The following DOCK1 variants were observed in gnomAD, a reference collection of about 807,000 sequenced individuals.
DOCK1 encodes dedicator of cytokinesis 1.
DOCK1 carries 138 observed loss-of-function variants against 262.7 expected under a neutral mutation model. The ratio of observed to expected loss-of-function variants is 0.53; its 90% CI spans 0.46 to 0.61. The LOEUF (loss-of-function observed/expected upper bound fraction) is 0.61, where lower values mean the gene tolerates loss of function less well. Among genes scored for constraint, DOCK1 ranks in the 20% least tolerant of loss-of-function variants. The probability of loss-of-function intolerance (pLI) is 0.00; values close to 1 mark genes in which losing one functional copy is unlikely to be tolerated. For missense variants in DOCK1, 1,908 were observed against 2,370.7 expected, an observed-to-expected ratio of 0.80 and a Z score of 4.05; for synonymous variants, 866 against 867.4, an observed-to-expected ratio of 1.00 and a Z score of 0.03.
chr10:127,035,066 G>C (rs2135557227), intron 18 of DOCK1, among the ~76,000 whole-genome samples: 1 of 152,338 alleles, frequency 6.6e-6, no homozygotes, highest in South Asian at 2.1e-4. Flanking sequence ...GGACTGATGG[G>C]AAGTCTGCCT....
chr10:127,425,746 T>C, intron 46 of DOCK1, 128 bp from the exon 47 acceptor site: 1 of 1,387,254 alleles, frequency 7.2e-7, no homozygotes, highest in East Asian at 2.3e-5. Context: ...TGCTGGTAAA[T>C]TGAATCAGCT....
chr10:127,400,364 A>G (rs2067148961), intron 38 of DOCK1, among the ~76,000 whole-genome samples: 1 of 152,188 alleles, frequency 6.6e-6, no homozygotes, highest in African/African-American at 2.4e-5. Context: ...GCTCAGTGCC[A>G]TGGGTGACCC....
intron 24 of DOCK1, among the ~76,000 whole-genome samples, chr10:127,108,349 A>C (rs185026448): frequency 6.6e-6 from 1 of 152,190 alleles, no homozygotes; most frequent in East Asian, 1.9e-4. Context: ...GCACTTTGGG[A>C]GGCCGAGGGG....
At chr10:126,952,271 A>G (rs903548590) in intron 1 of DOCK1, among the ~76,000 whole-genome samples, 1 of 151,720 alleles carries the variant, frequency 6.6e-6, no homozygotes, top group Non-Finnish European at 1.5e-5. Flanking sequence ...TAGCATTGTT[A>G]TTGTTCATAG....
intron 1 of DOCK1, among the ~76,000 whole-genome samples, chr10:126,927,753 C>T (rs1199702263): frequency 6.6e-6 from 1 of 152,158 alleles, no homozygotes; most frequent in African/African-American, 2.4e-5. Context: ...CATTCTTTCA[C>T]GTGTTCATTC....
chr10:127,197,636 G>A (rs1452763834), intron 27 of DOCK1, among the ~76,000 whole-genome samples: 1 of 152,124 alleles, frequency 6.6e-6, no homozygotes, highest in Non-Finnish European at 1.5e-5. Context: ...AAATTGGGAG[G>A]ACAAATGGAA....
intron 27 of DOCK1, among the ~76,000 whole-genome samples, chr10:127,236,021 T>A (rs1374363110): frequency 1.3e-5 from 2 of 152,146 alleles, no homozygotes; most frequent in East Asian, 3.9e-4. Flanking sequence ...GGAAACCCTT[T>A]GTCAGATAGG....
intron 27 of DOCK1, among the ~76,000 whole-genome samples, chr10:127,237,458 A>C (rs1280973202): frequency 6.6e-6 from 1 of 151,862 alleles, no homozygotes; most frequent in Non-Finnish European, 1.5e-5. Flanking sequence ...AGATATTTGT[A>C]CTCTTTCTTA....
intron 23 of DOCK1, among the ~76,000 whole-genome samples, chr10:127,095,935 A>G (rs548555895): frequency 1.8e-4 from 27 of 152,332 alleles, no homozygotes; most frequent in African/African-American, 6.5e-4. Context: ...TGTGGGAACA[A>G]CGTCCCTCAG....
At chr10:127,284,383 C>A (rs994197717) in intron 29 of DOCK1, among the ~76,000 whole-genome samples, 2 of 151,906 alleles carry the variant, frequency 1.3e-5, no homozygotes, top group Non-Finnish European at 2.9e-5. Context: ...ATTTGATAGA[C>A]CATTTTAGGT....
At chr10:126,942,612 A>G (rs2035103667) in intron 1 of DOCK1, among the ~76,000 whole-genome samples, 1 of 152,104 alleles carries the variant, frequency 6.6e-6, no homozygotes, top group Non-Finnish European at 1.5e-5. Context: ...GAGGGAGCCG[A>G]GCCAGCCCCG....
intron 29 of DOCK1, among the ~76,000 whole-genome samples, chr10:127,299,983 A>T (rs914977819): frequency 1.3e-5 from 2 of 152,198 alleles, no homozygotes; most frequent in African/African-American, 4.8e-5. Flanking sequence ...GCATCCGGCC[A>T]TTGAGAACTG....
intron 28 of DOCK1, among the ~76,000 whole-genome samples, chr10:127,250,964 C>A (rs2059615267): frequency 6.6e-6 from 1 of 151,798 alleles, no homozygotes; most frequent in Admixed American, 6.6e-5. Context: ...TCAACTCTGA[C>A]AACGATTTTT....
chr10:126,963,601 TTC>T (rs2037401881), intron 1 of DOCK1, among the ~76,000 whole-genome samples: 21 of 51,136 alleles, frequency 4.1e-4, no homozygotes, highest in African/African-American at 1.7e-3. Flanking sequence ...TTCCCTTCCC[TTC>T]CCTTCCCTTC....
At chr10:127,113,349 C>T (rs1431109475) in intron 25 of DOCK1, among the ~76,000 whole-genome samples, 1 of 152,150 alleles carries the variant, frequency 6.6e-6, no homozygotes, top group Admixed American at 6.5e-5. Flanking sequence ...CAGGCTCCTT[C>T]GTGGGGGCTC....
chr10:127,012,895 C>T lies in DOCK1; in HGVS notation c.1201+521C>T, dbSNP rs911009651. Among the ~76,000 whole-genome samples the T allele has an allele frequency of 6.6e-6, 1 of 152,180 alleles. No homozygotes were observed. Among genetic ancestry groups the T allele is most frequent in the Non-Finnish European group, 1.5e-5 (1 of 68,038 alleles). The stretch of plus-strand genomic sequence containing the variant: ...GTCACCTCGGGCTGGTGACAGTTGG[C>T]ACTTGGCTGGCCAGGAGGGCTGCCA... On this transcript the variant is annotated intron_variant, in intron 12 of 51. Coordinates refer to ENST00000623213, the MANE Select transcript of DOCK1 (RefSeq NM_001290223.2). The surrounding 1 kb of genome is among the most constrained non-coding windows in gnomAD (Gnocchi z 4.0).
intron 10 of DOCK1, chr10:127,001,235 A>G (rs916064014): frequency 2.6e-5 from 4 of 152,192 alleles, no homozygotes; most frequent in African/African-American, 9.7e-5. Context: ...ATGAACAGCT[A>G]TGGAAGACAT....
intron 23 of DOCK1, among the ~76,000 whole-genome samples, chr10:127,075,038 G>A (rs1044941615): frequency 5.3e-5 from 8 of 151,798 alleles, no homozygotes; most frequent in Non-Finnish European, 1.0e-4. Flanking sequence ...GCTTGGTGGT[G>A]CATGCCTGTA....
chr10:126,953,622 T>G (rs2036509115), intron 1 of DOCK1, among the ~76,000 whole-genome samples: 1 of 152,136 alleles, frequency 6.6e-6, no homozygotes, highest in Non-Finnish European at 1.5e-5. Flanking sequence ...GCTCCCATTT[T>G]TCAGCTGAAT....
Sources: gnomAD v4.1 joint callset for allele counts (sites outside exome capture counted in the v4.1 genomes callset) on GRCh38, gnomAD v4.1.1 for gene constraint, Gnocchi (gnomAD v3.1) non-coding constraint, MANE v1.5 for transcripts, NCBI Gene and HGNC (gene_info 2026-07-23, HGNC 2026-07-21) for gene names.